LMF1: variants seen among roughly 807,000 people sequenced by gnomAD.
LMF1 encodes the protein transmembrane protein 112.
A neutral mutation model predicts 60.6 loss-of-function variants in LMF1; 68 were observed. The observed-to-expected ratio is 1.12, with a 90% CI of 0.92 to 1.37. LMF1 has a LOEUF of 1.37. LMF1 is among the 40% of genes most tolerant of loss of function. LMF1 has a pLI of 0.00. For synonymous variants in LMF1, 418 were observed against 324.7 expected (o/e 1.29, Z -3.09); for missense variants, 948 against 767.2 (o/e 1.24, Z -2.78).
chr16:932,149 T>G (rs1231508372), intron 3 of LMF1, among the ~76,000 whole-genome samples: 2 of 152,220 alleles, frequency 1.3e-5, no homozygotes, highest in Non-Finnish European at 2.9e-5. Context: ...GCACTGCCTC[T>G]GGGAGTCCAC....
At chr16:891,883 TC>T (rs1363408955) in intron 5 of LMF1, among the ~76,000 whole-genome samples, 1 of 151,304 alleles carries the variant, frequency 6.6e-6, no homozygotes, top group Admixed American at 6.6e-5. Context: ...GTTGGGACCA[TC>T]CAGCCAAAGA....
intron 1 of LMF1, among the ~76,000 whole-genome samples, chr16:966,796 G>A (rs1325937394): frequency 1.3e-5 from 2 of 152,174 alleles, no homozygotes; most frequent in African/African-American, 4.8e-5. Context: ...GCTAAGGTGT[G>A]GCCCACCAAC....
intron 10 of LMF1, among the ~76,000 whole-genome samples, chr16:857,357 C>T (rs1290826251): frequency 6.6e-6 from 1 of 152,266 alleles, no homozygotes; most frequent in Non-Finnish European, 1.5e-5. Flanking sequence ...AGCCGAGTGA[C>T]TCGATTTCTT....
At chr16:965,565 C>T (rs1567333545) in intron 1 of LMF1, among the ~76,000 whole-genome samples, 1 of 152,188 alleles carries the variant, frequency 6.6e-6, no homozygotes, top group Non-Finnish European at 1.5e-5. Flanking sequence ...AAGATGCCTC[C>T]TCAATGCTGC....
chr16:920,018 CACA>C (rs985595157), intron 3 of LMF1, among the ~76,000 whole-genome samples: 6 of 151,566 alleles, frequency 4.0e-5, no homozygotes, highest in African/African-American at 1.5e-4. Context: ...CGGCCCCCAG[CACA>C]ACATCTGCAC....
chr16:893,539 C>T (rs990570733), intron 4 of LMF1, among the ~76,000 whole-genome samples: 4 of 152,106 alleles, frequency 2.6e-5, no homozygotes, highest in African/African-American at 9.7e-5. Flanking sequence ...GGAGCCGAGG[C>T]GCAGGCCCCG....
chr16:913,231 G>C (rs2071171819), intron 3 of LMF1, among the ~76,000 whole-genome samples: 4 of 152,198 alleles, frequency 2.6e-5, no homozygotes, highest in Admixed American at 2.0e-4. Context: ...TTTCCACCTC[G>C]TGCTGTGCTG....
chr16:952,034 C>T (rs565260108), intron 2 of LMF1, among the ~76,000 whole-genome samples: 1 of 152,304 alleles, frequency 6.6e-6, no homozygotes, highest in Admixed American at 6.5e-5. Context: ...CCTGTGCTGA[C>T]AGCTCATGGG....
chr16:928,125 C>T (rs778686086), intron 3 of LMF1, among the ~76,000 whole-genome samples: 1 of 152,204 alleles, frequency 6.6e-6, no homozygotes, highest in Non-Finnish European at 1.5e-5. Flanking sequence ...ACAGCCTGGC[C>T]GTCCTGCCTC....
intron 1 of LMF1, among the ~76,000 whole-genome samples, chr16:957,869 G>A (rs768970508): frequency 1.3e-5 from 2 of 152,146 alleles, no homozygotes; most frequent in Non-Finnish European, 2.9e-5. Flanking sequence ...TGGGCCGGGC[G>A]TGGTGGCTCA....
At chr16:892,340 G>C (rs2070513215) in intron 5 of LMF1, among the ~76,000 whole-genome samples, 1 of 152,212 alleles carries the variant, frequency 6.6e-6, no homozygotes. Flanking sequence ...GGCCCAGGGT[G>C]GGGATGGTGC....
intron 3 of LMF1, among the ~76,000 whole-genome samples, chr16:919,508 A>G (rs1419491167): frequency 4.3e-5 from 3 of 69,632 alleles, no homozygotes; most frequent in Non-Finnish European, 7.5e-5. Flanking sequence ...ACCAGGGCAC[A>G]GGCCCCACAG....
Position 957,571 on chromosome 16 carries a change from G to T in LMF1, c.194-2905C>A, listed in dbSNP as rs144105189. On this transcript the variant is annotated intron_variant, in intron 1 of 10. Coordinates refer to ENST00000262301, the MANE Select transcript of LMF1 (RefSeq NM_022773.4). ...ACACCCAGTCAGTGCTTCCGCCGAG[G>T]CTGACAAGCTGATTCTAGAATATAC... Among the ~76,000 whole-genome samples, 59 of 152,296 alleles carry T rather than the reference G, an allele frequency of 3.9e-4. No homozygotes were observed. The East Asian group carries it at 0.01, about 26-fold the overall frequency.
At chr16:958,655 G>A (rs1408824899) in intron 1 of LMF1, among the ~76,000 whole-genome samples, 1 of 152,194 alleles carries the variant, frequency 6.6e-6, no homozygotes, top group African/African-American at 2.4e-5. Context: ...GGGAGGCCGA[G>A]GTGGGCAGAT....
At chr16:894,044 T>G (rs2070579838) in intron 4 of LMF1, among the ~76,000 whole-genome samples, 1 of 111,604 alleles carries the variant, frequency 9.0e-6, no homozygotes, top group East Asian at 3.1e-4. Flanking sequence ...TGCCCACTCG[T>G]CCCCTGTCCA....
chr16:940,384 C>T (rs2072068667), intron 2 of LMF1, among the ~76,000 whole-genome samples: 1 of 152,042 alleles, frequency 6.6e-6, no homozygotes, highest in South Asian at 2.1e-4. Context: ...CACCTAGAAA[C>T]ACAGGCTCAC....
At chr16:863,334 G>A (rs1263443181) in intron 10 of LMF1, among the ~76,000 whole-genome samples, 1 of 152,134 alleles carries the variant, frequency 6.6e-6, no homozygotes, top group Non-Finnish European at 1.5e-5. Flanking sequence ...TAGAGACCGG[G>A]TTTCACCATG....
rs752104482 is a variant in LMF1, at chr16:853,946, G to A, written c.*586C>T. Reference sequence around the variant, plus strand: ...GTGTGTGCCTGCATGTGTGGGATGCGTGTAGGCTGTGGCGGGGGTGGAGAT... The same window carrying A: ...GTGTGTGCCTGCATGTGTGGGATGCATGTAGGCTGTGGCGGGGGTGGAGAT... On this transcript the variant is annotated 3_prime_UTR_variant, in exon 11 of 11. Coordinates refer to ENST00000262301, the MANE Select transcript of LMF1 (RefSeq NM_022773.4). 13 of 454,122 alleles carry A rather than the reference G, an allele frequency of 2.9e-5. No homozygotes were observed. The highest frequency in any genetic ancestry group is 1.7e-4 in the South Asian group (11 of 64,474). 28.1% of individuals were successfully genotyped at this position (454,122 alleles called of 1,614,324 possible). A position where few individuals can be genotyped will look rare whatever the true frequency, so the allele number is the denominator to read the frequency against.
chr16:954,578 G>A lies in LMF1; in HGVS notation c.282C>T (p.Phe94=), dbSNP rs372903890. Reference sequence around the variant, plus strand: ...TCGTCCTGTCCTGGAAGTACTGCTGGAAGTTCTTCAGGAACACTCTGCAGG... The same window carrying A: ...TCGTCCTGTCCTGGAAGTACTGCTGAAAGTTCTTCAGGAACACTCTGCAGG... The part of the protein sequence containing the change: ...LLPCRVFLKN[F]QQYFQDRTSW... Residue 94 remains phenylalanine, a synonymous_variant, in exon 2 of 11, where the codon TTC becomes TTT. Transcript: ENST00000262301. 3.5e-5 allele frequency: 56 copies of A among 1,613,098 alleles called. No homozygotes were observed. Among genetic ancestry groups the A allele is most frequent in the Non-Finnish European group, 4.5e-5 (53 of 1,179,806 alleles).
Sources: gnomAD v4.1 joint callset for allele counts (sites outside exome capture counted in the v4.1 genomes callset) on GRCh38, gnomAD v4.1.1 for gene constraint, MANE v1.5 for transcripts, NCBI Gene and HGNC (gene_info 2026-07-23, HGNC 2026-07-21) for gene names.